The following CMSS1 variants were observed in gnomAD, a reference collection of about 807,000 sequenced individuals.
CMSS1 encodes protein CMSS1.
Under a neutral mutation model 43.5 loss-of-function variants are expected in CMSS1, and 33 were observed. The observed-to-expected ratio is 0.76, with a 90% confidence interval of 0.57 to 1.01. CMSS1 has a LOEUF of 1.01. Among genes scored for constraint, CMSS1 ranks in the 50% least tolerant of loss-of-function variants. The pLI, the probability that CMSS1 is intolerant of heterozygous loss-of-function variation, is 0.00. For synonymous variants in CMSS1, 115 were observed against 117.2 expected, an observed-to-expected ratio of 0.98 and a Z score of 0.12; for missense variants, 313 against 326.4, an observed-to-expected ratio of 0.96 and a Z score of 0.32.
intron 1 of CMSS1, among the ~76,000 whole-genome samples, chr3:100,091,837 C>T (rs1450336366): frequency 6.6e-6 from 1 of 152,174 alleles, no homozygotes; most frequent in African/African-American, 2.4e-5. Context: ...TTCACAGGTA[C>T]ATTGTTCCGA....
At chr3:100,016,150 A>G (rs1472079514) in intron 1 of CMSS1, among the ~76,000 whole-genome samples, 1 of 151,932 alleles carries the variant, frequency 6.6e-6, no homozygotes, top group Non-Finnish European at 1.5e-5. Flanking sequence ...TCTCCTAGAC[A>G]GTTTCTGAGT....
intron 1 of CMSS1, among the ~76,000 whole-genome samples, chr3:99,836,300 C>T (rs1942892904): frequency 1.3e-5 from 2 of 152,050 alleles, no homozygotes; most frequent in Admixed American, 1.3e-4. Flanking sequence ...GAATAGTTCC[C>T]AGATGTTGAA....
intron 1 of CMSS1, chr3:99,830,216 A>C (rs957672728): frequency 6.7e-6 from 2 of 297,884 alleles, no homozygotes; most frequent in African/African-American, 2.2e-5. Flanking sequence ...TAGGCCTGCG[A>C]GTGTTTGTGT....
chr3:100,127,281 T>G (rs1441897653), intron 1 of CMSS1, among the ~76,000 whole-genome samples: 1 of 152,202 alleles, frequency 6.6e-6, no homozygotes, highest in Admixed American at 6.5e-5. Context: ...CTTGGCCTAA[T>G]CCTCATTCAT....
At chr3:100,100,204 G>A (rs2066280656) in intron 1 of CMSS1, among the ~76,000 whole-genome samples, 1 of 152,124 alleles carries the variant, frequency 6.6e-6, no homozygotes, top group African/African-American at 2.4e-5. Context: ...GGCACAAGTA[G>A]CCTTCTCCTG....
intron 1 of CMSS1, among the ~76,000 whole-genome samples, chr3:100,003,029 C>A (rs1709887410): frequency 6.6e-6 from 1 of 152,118 alleles, no homozygotes; most frequent in Non-Finnish European, 1.5e-5. Flanking sequence ...GCAGCATTTA[C>A]CTGCGAATTA....
chr3:100,098,762 A>G (rs1000212201), intron 1 of CMSS1, among the ~76,000 whole-genome samples: 6 of 152,250 alleles, frequency 3.9e-5, no homozygotes, highest in African/African-American at 1.4e-4. Flanking sequence ...ATGAAAACAA[A>G]CCATTAGCAA....
intron 4 of CMSS1, among the ~76,000 whole-genome samples, chr3:100,164,420 CTT>C (rs1559777303): frequency 6.6e-6 from 1 of 152,082 alleles, no homozygotes; most frequent in Non-Finnish European, 1.5e-5. Flanking sequence ...TCAGAAGAAA[CTT>C]TTAAGGAGTC....
chr3:99,949,412 T>C (rs1708110423), intron 1 of CMSS1, among the ~76,000 whole-genome samples: 1 of 152,264 alleles, frequency 6.6e-6, no homozygotes, highest in African/African-American at 2.4e-5. Flanking sequence ...CAGCTCTGTC[T>C]AAAAAGTCAG....
chr3:100,068,384 CAG>C, intron 1 of CMSS1, among the ~76,000 whole-genome samples: 1 of 138,848 alleles, frequency 7.2e-6, no homozygotes, highest in African/African-American at 2.7e-5. Flanking sequence ...GTGTGTGTGT[CAG>C]AGAGATATAG....
intron 1 of CMSS1, among the ~76,000 whole-genome samples, chr3:99,819,079 T>G (rs1013550033): frequency 1.3e-5 from 2 of 152,248 alleles, no homozygotes; most frequent in Non-Finnish European, 2.9e-5. Flanking sequence ...AATCTTGAAA[T>G]ACTAGTTGTG....
At chr3:99,965,302 T>C (rs1243051833) in intron 1 of CMSS1, among the ~76,000 whole-genome samples, 1 of 152,196 alleles carries the variant, frequency 6.6e-6, no homozygotes, top group Non-Finnish European at 1.5e-5. Context: ...GTTTTATAAT[T>C]TTTTATCAAG....
chr3:99,842,913 C>T (rs1943198729), intron 1 of CMSS1, among the ~76,000 whole-genome samples: 1 of 152,182 alleles, frequency 6.6e-6, no homozygotes, highest in Admixed American at 6.5e-5. Context: ...CTCAAGATTC[C>T]TTACCCTACA....
At chr3:99,866,229 A>G (rs1576528787) in intron 1 of CMSS1, among the ~76,000 whole-genome samples, 1 of 151,538 alleles carries the variant, frequency 6.6e-6, no homozygotes, top group Non-Finnish European at 1.5e-5. Flanking sequence ...ATTGTTGTTC[A>G]GTTCACCACA....
At chr3:100,096,040 A>G (rs1323168813) in intron 1 of CMSS1, among the ~76,000 whole-genome samples, 1 of 152,220 alleles carries the variant, frequency 6.6e-6, no homozygotes, top group Non-Finnish European at 1.5e-5. Flanking sequence ...ATCATTGATC[A>G]TCAGAAAACT....
intron 1 of CMSS1, chr3:99,848,199 A>T (rs1222031189): frequency 6.4e-7 from 1 of 1,564,002 alleles, no homozygotes; most frequent in East Asian, 2.2e-5. Context: ...GTCTTGGGGG[A>T]TATGGAGGGA....
intron 1 of CMSS1, among the ~76,000 whole-genome samples, chr3:99,960,802 A>C (rs887873131): frequency 2.6e-5 from 4 of 152,120 alleles, no homozygotes; most frequent in Non-Finnish European, 5.9e-5. Context: ...GAATACTGTT[A>C]ATTTATGTGC....
intron 1 of CMSS1, among the ~76,000 whole-genome samples, chr3:99,913,674 C>G (rs1163713079): frequency 6.6e-6 from 1 of 152,216 alleles, no homozygotes; most frequent in Non-Finnish European, 1.5e-5. Flanking sequence ...AAGATAAATA[C>G]AAGAAACTAT....
chr3:99,903,519 G>C (rs949334530), intron 1 of CMSS1, among the ~76,000 whole-genome samples: 12 of 152,078 alleles, frequency 7.9e-5, no homozygotes, highest in African/African-American at 2.9e-4. Context: ...CAAAGTGCTG[G>C]GATTACAGGC....
Sources: allele counts gnomAD v4.1 joint callset (sites outside exome capture counted in the v4.1 genomes callset), GRCh38; gene constraint gnomAD v4.1.1; transcripts MANE v1.5; gene names NCBI Gene and HGNC (gene_info 2026-07-23, HGNC 2026-07-21).